Variants in ZMIZ1 observed in about 807,000 individuals in gnomAD.
The protein encoded by ZMIZ1 is zinc finger MIZ-type containing 1.
A neutral mutation model predicts 113.9 loss-of-function variants in ZMIZ1; 17 were observed. The observed-to-expected ratio is 0.15, with a 90% CI of 0.10 to 0.22. The LOEUF is 0.22. Among genes scored for constraint, ZMIZ1 ranks in the 10% least tolerant of loss-of-function variants. ZMIZ1 has a pLI of 1.00. For synonymous variants in ZMIZ1, 607 were observed against 603.1 expected (o/e 1.01, Z -0.09); for missense variants, 1,059 against 1,477.8 (o/e 0.72, Z 4.65).
At chr10:79,087,708 CTG>C (rs1842860938) in intron 1 of ZMIZ1, among the ~76,000 whole-genome samples, 1 of 152,274 alleles carries the variant, frequency 6.6e-6, no homozygotes, top group Non-Finnish European at 1.5e-5. Flanking sequence ...CCTTCATTCT[CTG>C]GCCCCAGATG....
In ZMIZ1 at chr10:79,305,596, C is replaced by T. The variant is rs753882669; in HGVS notation, c.2418C>T (p.Ile806=). ...DQYMWGILNA[I]QHSEFEEVTI... ...ACATGTGGGGAATCCTGAATGCCAT[C>T]CAACAGTAAGTGGGGCCCTAGCGAG... The change falls in exon 21 of 25, where the codon ATC becomes ATT. Residue 806 remains isoleucine (I), a synonymous_variant. Coordinates refer to ENST00000334512, the MANE Select transcript of ZMIZ1 (RefSeq NM_020338.4). 6.2e-7 allele frequency: 1 copy of T among 1,614,024 alleles called. No homozygotes were observed.
At chr10:79,148,931 C>T (rs1033787085) in intron 3 of ZMIZ1, among the ~76,000 whole-genome samples, 2 of 152,222 alleles carry the variant, frequency 1.3e-5, no homozygotes, top group Admixed American at 6.5e-5. Context: ...TACGTGGCCC[C>T]GCCAGGGCCT....
At chr10:79,140,688 C>T (rs1386969760) in intron 3 of ZMIZ1, among the ~76,000 whole-genome samples, 1 of 152,204 alleles carries the variant, frequency 6.6e-6, no homozygotes, top group Non-Finnish European at 1.5e-5. Context: ...ACCCATTCCC[C>T]CCATCCACCC....
intron 3 of ZMIZ1, among the ~76,000 whole-genome samples, chr10:79,159,746 G>A (rs945137177): frequency 1.3e-5 from 2 of 152,126 alleles, no homozygotes; most frequent in Non-Finnish European, 2.9e-5. Flanking sequence ...TCCAATGCAG[G>A]CTCACTGTCC....
At chr10:79,308,743 C>T (rs1329517467) in intron 23 of ZMIZ1, among the ~76,000 whole-genome samples, 1 of 152,108 alleles carries the variant, frequency 6.6e-6, no homozygotes, top group Non-Finnish European at 1.5e-5. Context: ...CCTGATGCCC[C>T]TTCCTGGGCC....
At position 79,296,153 on chromosome 10, in the gene ZMIZ1, C is replaced by A. The variant is rs998013022; in HGVS notation, c.1231-318C>A. The A allele has an allele frequency of 8.0e-6, 3 of 374,958 alleles. No homozygotes were observed. The highest frequency in any genetic ancestry group is 1.5e-5 in the Non-Finnish European group (3 of 204,572). 23.2% of individuals were successfully genotyped at this position (374,958 alleles called of 1,614,324 possible). A position where few individuals can be genotyped will look rare whatever the true frequency, so the allele number is the denominator to read the frequency against. On this transcript the variant is annotated intron_variant, in intron 12 of 24. Coordinates refer to ENST00000334512, the MANE Select transcript of ZMIZ1 (RefSeq NM_020338.4). The surrounding 1 kb of genome is among the most constrained non-coding windows in gnomAD (Gnocchi z 4.1). ...CCTAACCCAGGCACCAGGAGAGACA[C>A]AAAGGTCGGGGGAGTTAGAATCAGG...
chr10:79,171,839 C>T (rs1846614706), intron 4 of ZMIZ1, among the ~76,000 whole-genome samples: 1 of 152,062 alleles, frequency 6.6e-6, no homozygotes, highest in African/African-American at 2.4e-5. Context: ...ACTGGGCACA[C>T]ACCTGGCCCT....
At chr10:79,255,412 G>T (rs1850824880) in intron 7 of ZMIZ1, among the ~76,000 whole-genome samples, 1 of 152,250 alleles carries the variant, frequency 6.6e-6, no homozygotes, top group Non-Finnish European at 1.5e-5. Flanking sequence ...TGAAGCATGG[G>T]TATGAGTAGG....
chr10:79,095,193 T>C (rs1843130660), intron 1 of ZMIZ1, among the ~76,000 whole-genome samples: 2 of 152,170 alleles, frequency 1.3e-5, no homozygotes, highest in African/African-American at 4.8e-5. Flanking sequence ...TTAAGGTTGT[T>C]GGAAAGACAA....
intron 12 of ZMIZ1, chr10:79,294,596 G>GT (rs368922213): frequency 9.2e-5 from 14 of 152,346 alleles, no homozygotes; most frequent in African/African-American, 3.4e-4. Context: ...GCCCATCTGG[G>GT]TACCCAGGTA....
At chr10:79,193,171 T>C (rs1399078489) in intron 4 of ZMIZ1, among the ~76,000 whole-genome samples, 1 of 152,244 alleles carries the variant, frequency 6.6e-6, no homozygotes, top group African/African-American at 2.4e-5. Context: ...GTCATCAGTC[T>C]ACATCAGTGC....
chr10:79,279,900 G>A (rs1187058438), intron 8 of ZMIZ1, among the ~76,000 whole-genome samples: 2 of 152,170 alleles, frequency 1.3e-5, no homozygotes, highest in African/African-American at 2.4e-5. Flanking sequence ...GCAGTGAGCC[G>A]AGATGGCGGC....
intron 11 of ZMIZ1, 102 bp downstream of exon 11, chr10:79,292,458 G>A: frequency 6.9e-7 from 1 of 1,456,346 alleles, no homozygotes; most frequent in Non-Finnish European, 9.4e-7. Context: ...GGCCATGTGT[G>A]CTGGGAGAGC....
chr10:79,093,289 T>TTTTATTTA (rs367815803), intron 1 of ZMIZ1, among the ~76,000 whole-genome samples: 74 of 140,266 alleles, frequency 5.3e-4, no homozygotes, highest in East Asian at 1.1e-3. Flanking sequence ...CCCAGTTTTA[T>TTTTATTTA]TTTATTTATT....
intron 5 of ZMIZ1, among the ~76,000 whole-genome samples, chr10:79,207,870 G>C (rs1273917403): frequency 5.3e-5 from 8 of 151,820 alleles, no homozygotes; most frequent in African/African-American, 1.7e-4. Flanking sequence ...AGTCAGGAAG[G>C]AATCTCCAGG....
intron 2 of ZMIZ1, among the ~76,000 whole-genome samples, chr10:79,128,870 G>A (rs1844630493): frequency 6.6e-6 from 1 of 152,186 alleles, no homozygotes; most frequent in Admixed American, 6.5e-5. Flanking sequence ...GCAGGTGTGA[G>A]AGCCTGGGCG....
chr10:79,284,628 C>CT (rs1311786254), intron 8 of ZMIZ1, among the ~76,000 whole-genome samples: 3 of 152,260 alleles, frequency 2.0e-5, no homozygotes, highest in African/African-American at 7.2e-5. Flanking sequence ...CTAAACTTTA[C>CT]TTTTTTCTCA....
chr10:79,143,571 T>C (rs1165046298), intron 3 of ZMIZ1, among the ~76,000 whole-genome samples: 1 of 152,176 alleles, frequency 6.6e-6, no homozygotes, highest in East Asian at 1.9e-4. Context: ...AGTCAGGGTG[T>C]GCAGAGATGA....
chr10:79,246,028 G>A (rs1281328717), intron 7 of ZMIZ1, among the ~76,000 whole-genome samples: 2 of 152,256 alleles, frequency 1.3e-5, no homozygotes, highest in African/African-American at 2.4e-5. Flanking sequence ...GTGCAGGCGA[G>A]TCTGTTAGAT....
Sources: allele counts gnomAD v4.1 joint callset (sites outside exome capture counted in the v4.1 genomes callset), GRCh38; gene constraint gnomAD v4.1.1; non-coding constraint Gnocchi (gnomAD v3.1); transcripts MANE v1.5; gene names NCBI Gene and HGNC (gene_info 2026-07-23, HGNC 2026-07-21).